Variants in GALNT13 observed in about 807,000 individuals in gnomAD.
GALNT13 encodes UDP-GalNAc:polypeptide N-acetylgalactosaminyltransferase 13.
GALNT13 carries 28 observed loss-of-function variants against 64.2 expected under a neutral mutation model. The observed-to-expected ratio is 0.44, with a 90% CI of 0.32 to 0.60. The LOEUF is 0.60. Among genes scored for constraint, GALNT13 ranks in the 20% least tolerant of loss-of-function variants. GALNT13 has a pLI of 0.05. For missense variants in GALNT13, 577 were observed against 669.8 expected (o/e 0.86, Z 1.53); for synonymous variants, 214 against 224.6 (o/e 0.95, Z 0.42).
chr2:153,504,724 G>A, the GALNT13 span, among the ~76,000 whole-genome samples: 1 of 152,142 alleles, frequency 6.6e-6, no homozygotes, highest in South Asian at 2.1e-4. Flanking sequence ...CAGCATCCCT[G>A]GTATGAAACC....
chr2:154,239,856 G>T (rs997974502), intron 4 of GALNT13, among the ~76,000 whole-genome samples: 1 of 152,030 alleles, frequency 6.6e-6, no homozygotes, highest in Non-Finnish European at 1.5e-5. Context: ...AAATAATGAA[G>T]ATCTTAACTG....
the GALNT13 span, among the ~76,000 whole-genome samples, chr2:153,528,601 A>G: frequency 3.3e-5 from 5 of 152,032 alleles, no homozygotes; most frequent in Non-Finnish European, 5.9e-5. Flanking sequence ...CATTTCATCT[A>G]ACAACTGCAG....
chr2:153,998,499 TA>T (rs1305659768), intron 3 of GALNT13, among the ~76,000 whole-genome samples: 3 of 152,214 alleles, frequency 2.0e-5, no homozygotes, highest in Non-Finnish European at 4.4e-5. Flanking sequence ...TTGTTTGTTT[TA>T]TTCTTGTAAA....
intron 1 of GALNT13, among the ~76,000 whole-genome samples, chr2:153,884,467 T>A (rs954974524): frequency 1.3e-5 from 2 of 151,812 alleles, no homozygotes; most frequent in African/African-American, 4.8e-5. Flanking sequence ...GGGTTTACTA[T>A]ATAAAGAAAT....
At chr2:153,651,841 T>G in the GALNT13 span, among the ~76,000 whole-genome samples, 1 of 152,184 alleles carries the variant, frequency 6.6e-6, no homozygotes, top group African/African-American at 2.4e-5. Flanking sequence ...CTTACAGTTT[T>G]CCTCAAGCAA....
At chr2:153,245,256 G>A in the GALNT13 span, among the ~76,000 whole-genome samples, 1 of 152,340 alleles carries the variant, frequency 6.6e-6, no homozygotes, top group African/African-American at 2.4e-5. Flanking sequence ...TCCTGACAAG[G>A]AGGATTCTCG....
At chr2:154,252,803 G>A (rs1350849693) in intron 7 of GALNT13, among the ~76,000 whole-genome samples, 2 of 152,070 alleles carry the variant, frequency 1.3e-5, no homozygotes, top group East Asian at 3.9e-4. Flanking sequence ...AAGGAGAGGA[G>A]AGAAGAGGAG....
rs1368752955 is a variant in GALNT13 at position 154,222,976 on chromosome 2, A to G, written c.312-19054A>G. Among the ~76,000 whole-genome samples, 3 of 152,302 alleles carry G rather than the reference A, an allele frequency of 2.0e-5. No homozygotes were observed. In the East Asian group the frequency reaches 5.8e-4, roughly 29 times the overall value. ...TAGAATAAATTAAGAAAAAAATGCC[A>G]GCTCTAGTTCAGAGTTCACGTGTAG... On this transcript the variant is annotated intron_variant, in intron 4 of 12. Coordinates refer to ENST00000392825, the MANE Select transcript of GALNT13 (RefSeq NM_052917.4).
chr2:154,255,578 C>A (rs1277665508), intron 7 of GALNT13, among the ~76,000 whole-genome samples: 1 of 151,956 alleles, frequency 6.6e-6, no homozygotes, highest in African/African-American at 2.4e-5. Flanking sequence ...TGCTAGACCA[C>A]AATGAGAGGA....
At chr2:153,234,806 G>T in the GALNT13 span, among the ~76,000 whole-genome samples, 1 of 152,032 alleles carries the variant, frequency 6.6e-6, no homozygotes. Flanking sequence ...ATTTTGAAAG[G>T]TCACTGGACC....
the GALNT13 span, among the ~76,000 whole-genome samples, chr2:153,546,579 C>A: frequency 6.6e-6 from 1 of 152,188 alleles, no homozygotes; most frequent in Admixed American, 6.5e-5. Context: ...AGATTAGATG[C>A]TCTACTTCAC....
At chr2:153,398,711 T>A in the GALNT13 span, among the ~76,000 whole-genome samples, 2 of 151,594 alleles carry the variant, frequency 1.3e-5, no homozygotes, top group Non-Finnish European at 2.9e-5. Context: ...TTTGGCTGCA[T>A]AAATGTCTTC....
the GALNT13 span, among the ~76,000 whole-genome samples, chr2:153,745,748 T>G: frequency 1.3e-5 from 2 of 152,160 alleles, no homozygotes; most frequent in Non-Finnish European, 2.9e-5. Context: ...TGAAACATGG[T>G]CACACTCTGT....
the GALNT13 span, among the ~76,000 whole-genome samples, chr2:153,764,885 C>A: frequency 2.6e-5 from 4 of 152,330 alleles, no homozygotes; most frequent in African/African-American, 9.6e-5. Context: ...AAGTATGGCT[C>A]AGGCCATTGC....
At chr2:153,469,950 G>T in the GALNT13 span, among the ~76,000 whole-genome samples, 1 of 152,026 alleles carries the variant, frequency 6.6e-6, no homozygotes. Flanking sequence ...CAGAAATTCA[G>T]AGCTATTGTC....
chr2:153,533,855 C>T, the GALNT13 span, among the ~76,000 whole-genome samples: 1 of 149,134 alleles, frequency 6.7e-6, no homozygotes, highest in African/African-American at 2.5e-5. Flanking sequence ...TTTTTGATCT[C>T]TAGTATTTCT....
intron 3 of GALNT13, among the ~76,000 whole-genome samples, chr2:153,983,302 G>A (rs967871254): frequency 6.6e-6 from 1 of 151,296 alleles, no homozygotes; most frequent in African/African-American, 2.4e-5. Flanking sequence ...AATTACTTAC[G>A]GTATGAAAAT....
the GALNT13 span, among the ~76,000 whole-genome samples, chr2:153,600,836 C>T: frequency 1.3e-5 from 2 of 151,940 alleles, no homozygotes; most frequent in Admixed American, 6.6e-5. Flanking sequence ...GGATCCCTGG[C>T]TGAGATAGGC....
At chr2:153,534,450 A>C in the GALNT13 span, among the ~76,000 whole-genome samples, 1 of 151,514 alleles carries the variant, frequency 6.6e-6, no homozygotes, top group South Asian at 2.1e-4. Context: ...GTGAGCTGGA[A>C]TTGGGTACTT....
Sources: allele counts gnomAD v4.1 joint callset (sites outside exome capture counted in the v4.1 genomes callset), GRCh38; gene constraint gnomAD v4.1.1; transcripts MANE v1.5; gene names NCBI Gene and HGNC (gene_info 2026-07-23, HGNC 2026-07-21).